MTM1: variants seen among roughly 807,000 people sequenced by gnomAD.
The protein encoded by MTM1 is myotubularin.
A neutral mutation model predicts 52.1 loss-of-function variants in MTM1; 9 were observed. The observed-to-expected ratio is 0.17, with a 90% confidence interval of 0.10 to 0.30. MTM1 has a LOEUF of 0.30. Among genes scored for constraint, MTM1 ranks in the 10% least tolerant of loss-of-function variants. The pLI is 1.00. For missense variants in MTM1, 277 were observed against 470.7 expected, an observed-to-expected ratio of 0.59 and a Z score of 3.81; for synonymous variants, 136 against 163.8, an observed-to-expected ratio of 0.83 and a Z score of 1.29.
intron 6 of MTM1, among the ~76,000 whole-genome samples, chrX:150,637,736 G>A (rs993765962): frequency 8.9e-5 from 10 of 112,000 alleles, no homozygotes; most frequent in African/African-American, 2.3e-4. Context: ...CGAATTCCAG[G>A]CAGATGGAAT....
At chrX:150,591,807 A>G (rs1303632262) in intron 1 of MTM1, among the ~76,000 whole-genome samples, 4 of 112,790 alleles carry the variant, frequency 3.5e-5, no homozygotes, top group South Asian at 3.6e-4. Context: ...GCAAAAAGAT[A>G]TTTATAAATA....
intron 1 of MTM1, among the ~76,000 whole-genome samples, chrX:150,589,106 T>C (rs2038840845): frequency 8.9e-6 from 1 of 111,837 alleles, no homozygotes; most frequent in African/African-American, 3.3e-5. Context: ...CTCTTAACTA[T>C]GTTTCTTAGT....
At chrX:150,563,650 C>T (rs1245068612), upstream of MTM1, among the ~76,000 whole-genome samples, 1 of 106,398 alleles carries the variant, frequency 9.4e-6, no homozygotes, top group African/African-American at 3.4e-5. Flanking sequence ...CTTTGGGAAG[C>T]TGTGGCAGGT....
At chrX:150,575,151 A>AG (rs782236088) in intron 1 of MTM1, among the ~76,000 whole-genome samples, 187 of 112,621 alleles carry the variant, frequency 1.7e-3, no homozygotes, top group African/African-American at 5.8e-3. Context: ...TTCTTTCTTG[A>AG]GGGGAACTTC....
At chrX:150,655,324 CAAA>C (rs782639017) in intron 10 of MTM1, among the ~76,000 whole-genome samples, 4 of 42,640 alleles carry the variant, frequency 9.4e-5, no homozygotes, top group Non-Finnish European at 4.4e-5. Flanking sequence ...GACTCTGTCT[CAAA>C]AAAAAAAAAA....
At chrX:150,579,203 C>T (rs187880003) in intron 1 of MTM1, among the ~76,000 whole-genome samples, 208 of 110,170 alleles carry the variant, frequency 1.9e-3, no homozygotes, top group African/African-American at 6.6e-3. Context: ...TACAGGCACC[C>T]GCCACCACAC....
chrX:150,580,940 C>G (rs2038571379), intron 1 of MTM1, among the ~76,000 whole-genome samples: 1 of 111,648 alleles, frequency 9.0e-6, no homozygotes, highest in African/African-American at 3.3e-5. Context: ...ATCAAAAGAC[C>G]CTAGGCAGCG....
chrX:150,643,624 T>C (rs184095366), intron 8 of MTM1, among the ~76,000 whole-genome samples: 81 of 112,150 alleles, frequency 7.2e-4, no homozygotes, highest in Admixed American at 2.3e-3. Context: ...TGTGTCTTTA[T>C]CTAGCAATAT....
At chrX:150,567,193 T>C (rs781908865), upstream of MTM1, among the ~76,000 whole-genome samples, 2 of 111,115 alleles carry the variant, frequency 1.8e-5, no homozygotes, top group East Asian at 2.8e-4. Flanking sequence ...AGGCCAGAGC[T>C]TGGGGTGAAG....
At chrX:150,655,012 G>C (rs1331227667) in intron 10 of MTM1, among the ~76,000 whole-genome samples, 1 of 111,561 alleles carries the variant, frequency 9.0e-6, no homozygotes, top group Non-Finnish European at 1.9e-5. Context: ...TTTGAAAATA[G>C]TTTGGCAGTT....
chrX:150,669,635 T>C (rs782413656), intron 14 of MTM1, among the ~76,000 whole-genome samples: 1 of 112,647 alleles, frequency 8.9e-6, no homozygotes, highest in Non-Finnish European at 1.9e-5. Flanking sequence ...ATGAGCTTTT[T>C]TTCATATCTT....
At chrX:150,666,803 A>G (rs1557414953) in intron 14 of MTM1, among the ~76,000 whole-genome samples, 1 of 111,758 alleles carries the variant, frequency 8.9e-6, no homozygotes, top group Non-Finnish European at 1.9e-5. Flanking sequence ...AGTTCGTGGT[A>G]GCGCCAGCCT....
intron 13 of MTM1, 150 bp from the exon 14 acceptor site, chrX:150,663,283 C>A: frequency 1.7e-6 from 1 of 600,384 alleles, no homozygotes; most frequent in Non-Finnish European, 2.7e-6. Flanking sequence ...CACTCACTGG[C>A]CCATGAGGCT....
At chrX:150,583,870 A>G (rs1274986892) in intron 1 of MTM1, among the ~76,000 whole-genome samples, 1 of 45,246 alleles carries the variant, frequency 2.2e-5, no homozygotes, top group African/African-American at 9.8e-5. Context: ...TATATATTAA[A>G]TATATATTAA....
chrX:150,641,529 T>A, intron 8 of MTM1, 111 bp downstream of exon 8: 1 of 925,153 alleles, frequency 1.1e-6, no homozygotes. Flanking sequence ...AAAAAATACT[T>A]ACTAAGTGCT....
At chrX:150,565,143 C>T (rs1345454429), upstream of MTM1, among the ~76,000 whole-genome samples, 1 of 112,294 alleles carries the variant, frequency 8.9e-6, no homozygotes, top group African/African-American at 3.2e-5. Flanking sequence ...TCTCTCTCCC[C>T]AGTGATCACC....
At position 150,570,089 on chromosome X, in the gene MTM1, G is replaced by T. The variant is rs782341992; in HGVS notation, c.-11+1427G>T. ...AAATGATTGGTCTCTTTAACTTAAA[G>T]TTCTAACTACATTTATTAAGTTGTC... On this transcript the variant is annotated intron_variant, in intron 1 of 14. Coordinates refer to ENST00000370396, the MANE Select transcript of MTM1 (RefSeq NM_000252.3). Among the ~76,000 whole-genome samples, 6 of 111,794 alleles carry T rather than the reference G, an allele frequency of 5.4e-5. No homozygotes were observed. In the South Asian group the frequency reaches 2.3e-3, roughly 42 times the overall value.
intron 4 of MTM1, 85 bp downstream of exon 4, chrX:150,598,771 TGTGG>T: frequency 1.5e-6 from 1 of 667,706 alleles, no homozygotes; most frequent in Non-Finnish European, 2.3e-6. Flanking sequence ...CAAGATTGAC[TGTGG>T]GTCAAATTAA....
At chrX:150,583,888 T>TCA in intron 1 of MTM1, among the ~76,000 whole-genome samples, 1 of 36,333 alleles carries the variant, frequency 2.8e-5, no homozygotes, top group African/African-American at 2.0e-4. Context: ...TAAATATATA[T>TCA]ATATATTTGA....
Sources: gnomAD v4.1 joint callset for allele counts (sites outside exome capture counted in the v4.1 genomes callset) on GRCh38, gnomAD v4.1.1 for gene constraint, MANE v1.5 for transcripts, NCBI Gene and HGNC (gene_info 2026-07-23, HGNC 2026-07-21) for gene names.